TMEM18: variants seen among roughly 807,000 people sequenced by gnomAD.
TMEM18 encodes the protein transmembrane protein 18.
In TMEM18, 14 loss-of-function variants were observed where a neutral mutation model predicts 17.4. The ratio of observed to expected loss-of-function variants is 0.80; its 90% CI spans 0.53 to 1.25. The LOEUF is 1.25. TMEM18 is among the 50% of genes most tolerant of loss of function. The pLI is 0.00. For synonymous variants in TMEM18, 86 were observed against 66.1 expected (o/e 1.30, Z -1.46); for missense variants, 187 against 172.1 (o/e 1.09, Z -0.48).
chr2:676,916 G>A (rs1165498237), intron 1 of TMEM18: 2 of 510,012 alleles, frequency 3.9e-6, no homozygotes, highest in East Asian at 3.4e-5. Context: ...GCACGGTGCA[G>A]GACGCCAGCC....
intron 1 of TMEM18, chr2:676,538 G>A (rs1659224874): frequency 9.7e-6 from 15 of 1,548,374 alleles, no homozygotes; most frequent in Non-Finnish European, 1.3e-5. Context: ...CATGACATAA[G>A]GACACAAGCG....
intron 1 of TMEM18, chr2:676,219 TC>T: frequency 7.2e-7 from 1 of 1,389,862 alleles, no homozygotes; most frequent in Non-Finnish European, 9.6e-7. Context: ...CCTCCTGGAC[TC>T]CCCGGGACCC....
chr2:676,366 C>G, intron 1 of TMEM18: 1 of 1,420,284 alleles, frequency 7.0e-7, no homozygotes, highest in Non-Finnish European at 9.3e-7. Flanking sequence ...CCTTGAGCGC[C>G]CTCCTGCAGA....
chr2:664,900 G>A lies in TMEM18; in HGVS notation c.*4680C>T, dbSNP rs1204522718. On this transcript the variant is annotated 3_prime_UTR_variant, in exon 5 of 5. Transcript: ENST00000281017. Reference sequence around the variant, plus strand: ...AATTCAGCCTATACCCCTACAATGTGTTTACTATGCAGGCATTGAAAATAA... The same window carrying A: ...AATTCAGCCTATACCCCTACAATGTATTTACTATGCAGGCATTGAAAATAA... Among the ~76,000 whole-genome samples the A allele has an allele frequency of 1.3e-5, 2 of 152,138 alleles. No homozygotes were observed. Among genetic ancestry groups the A allele is most frequent in the African/African-American group, 4.8e-5 (2 of 41,430 alleles).
At chr2:676,310 A>C in intron 1 of TMEM18, 1 of 1,482,002 alleles carries the variant, frequency 6.7e-7, no homozygotes, top group Non-Finnish European at 9.0e-7. Context: ...TCCCCACCTG[A>C]TGCTCAGATG....
rs1678691798 is a variant in TMEM18, at chr2:666,446, G to A, written c.*3134C>T. The stretch of plus-strand genomic sequence containing the variant: ...AAGCGAGGAAAGATCTAACTGTACA[G>A]GCCGCTGTGAAACTGGAACATCGGA... On this transcript the variant is annotated 3_prime_UTR_variant, in exon 5 of 5. Coordinates refer to ENST00000281017, the MANE Select transcript of TMEM18 (RefSeq NM_152834.4). Among the ~76,000 whole-genome samples, 2 of 152,210 alleles carry A rather than the reference G, an allele frequency of 1.3e-5. No individual in the cohort carries two copies. The highest frequency in any genetic ancestry group is 2.4e-5 in the African/African-American group (1 of 41,460).
rs1001453257 is a variant in TMEM18, at chr2:664,912, G to C, written c.*4668C>G. ...ACCCCTACAATGTGTTTACTATGCA[G>C]GCATTGAAAATAATGTTATATAGTG... On this transcript the variant is annotated 3_prime_UTR_variant, in exon 5 of 5. Coordinates refer to ENST00000281017, the MANE Select transcript of TMEM18 (RefSeq NM_152834.4). Among the ~76,000 whole-genome samples, 5 of 152,108 alleles carry C rather than the reference G, an allele frequency of 3.3e-5. No individual in the cohort carries two copies. The highest frequency in any genetic ancestry group is 1.2e-4 in the African/African-American group (5 of 41,418).
intron 1 of TMEM18, 66 bp from the exon 2 acceptor site, chr2:675,696 C>G: frequency 6.3e-7 from 1 of 1,592,190 alleles, no homozygotes; most frequent in South Asian, 1.1e-5. Context: ...GGCCCACCCA[C>G]AGCCTTCTCC....
rs755889312 is a variant in TMEM18 at position 677,323 on chromosome 2, C to T, written c.23G>A (p.Ser8Asn). The change falls in exon 1 of 5, where the codon AGC becomes AAC. Residue 8 changes from serine (S) to asparagine (N), a missense_variant. Transcript: ENST00000281017. ...GGCTGGGATGCTGACGGGGAAAGAGCTGACAGAGAAGGCGGACGGCATGGT... is the reference window on the plus strand; with the variant it reads ...GGCTGGGATGCTGACGGGGAAAGAGTTGACAGAGAAGGCGGACGGCATGGT... MPSAFSV[S>N]SFPVSIPAVL... 2 of 1,612,402 alleles carry T rather than the reference C, an allele frequency of 1.2e-6. No individual in the cohort carries two copies. Among genetic ancestry groups the T allele is most frequent in the South Asian group, 2.2e-5 (2 of 90,792 alleles).
At chr2:677,138 T>C (rs1482832335) in intron 1 of TMEM18, 151 bp downstream of exon 1, 3 of 981,650 alleles carry the variant, frequency 3.1e-6, no homozygotes, top group African/African-American at 3.3e-5. Context: ...CTCCCACAGG[T>C]CTCAGGACCC....
chr2:668,376 T>C lies in TMEM18; in HGVS notation c.*1204A>G, dbSNP rs903698548. ...AAGTCAAATATCTACACAACGGCCC[T>C]GGACAATGCTACAGGGAGGACACAT... On this transcript the variant is annotated 3_prime_UTR_variant, in exon 5 of 5. Coordinates refer to ENST00000281017, the MANE Select transcript of TMEM18 (RefSeq NM_152834.4). The C allele has an allele frequency of 2.0e-5, 3 of 152,250 alleles. No individual in the cohort carries two copies. The highest frequency in any genetic ancestry group is 7.2e-5 in the African/African-American group (3 of 41,474). The allele number at this position is 152,250 out of a possible 1,614,324, so 9.4% of individuals were successfully genotyped here.
In TMEM18 at chr2:667,908, A is replaced by G. The variant is rs1678734357; in HGVS notation, c.*1672T>C. 6.6e-6 allele frequency: 1 copy of G among 152,240 alleles called. No homozygotes were observed. Among genetic ancestry groups the G allele is most frequent in the Admixed American group, 6.5e-5 (1 of 15,284 alleles). 9.4% of individuals were successfully genotyped at this position (152,240 alleles called of 1,614,324 possible). ...TCACACGGCCCCATATTAAGTCCAA[A>G]TAACATATAGATGTTTAATTAGTCT... is the stretch of plus-strand genomic sequence containing the variant. On this transcript the variant is annotated 3_prime_UTR_variant, in exon 5 of 5. Coordinates refer to ENST00000281017, the MANE Select transcript of TMEM18 (RefSeq NM_152834.4).
At position 667,462 on chromosome 2, in the gene TMEM18, G is replaced by A. The variant is rs181775992; in HGVS notation, c.*2118C>T. 1 of 152,262 alleles carries A rather than the reference G, an allele frequency of 6.6e-6. No individual in the cohort carries two copies. The highest frequency in any genetic ancestry group is 2.4e-5 in the African/African-American group (1 of 41,548). The allele number at this position is 152,262 out of a possible 1,614,324, so 9.4% of individuals were successfully genotyped here. On this transcript the variant is annotated 3_prime_UTR_variant, in exon 5 of 5. Coordinates refer to ENST00000281017, the MANE Select transcript of TMEM18 (RefSeq NM_152834.4). ...CTTTATCAGTAGAGTAAAAACATTTGTTCTACTTAAACAGATGAAGCTCTC... is the reference window on the plus strand; with the variant it reads ...CTTTATCAGTAGAGTAAAAACATTTATTCTACTTAAACAGATGAAGCTCTC...
Position 675,636 on chromosome 2 carries a change from G to A in TMEM18, c.58-6C>T, listed in dbSNP as rs1245299749. On this transcript the variant is annotated splice_polypyrimidine_tract_variant and splice_region_variant and intron_variant, in intron 1 of 4. Transcript: ENST00000281017. ...GGCTCAGTCCAGTCCGTCTGCTGTA[G>A]GAACACACCAGCAGACACTCACTGT... 4 of 1,613,536 alleles carry A rather than the reference G, an allele frequency of 2.5e-6. 1 individual carries two copies. Among genetic ancestry groups the A allele is most frequent in the East Asian group, 4.5e-5 (2 of 44,886 alleles).
intron 1 of TMEM18, chr2:676,236 T>C: frequency 7.1e-7 from 1 of 1,409,216 alleles, no homozygotes; most frequent in Non-Finnish European, 9.5e-7. Context: ...GACCCTGCTG[T>C]ACCTGGGGAC....
intron 1 of TMEM18, 40 bp downstream of exon 1, chr2:677,249 G>A (rs538956897): frequency 3.8e-6 from 6 of 1,594,086 alleles, no homozygotes; most frequent in South Asian, 2.3e-5. Flanking sequence ...CCTCTCCGCC[G>A]TCCTCCCCCG....
rs1572409325 is a variant in TMEM18, at chr2:669,690, T to C, written c.328-15A>G. 9 of 1,613,908 alleles carry C rather than the reference T, an allele frequency of 5.6e-6. No individual in the cohort carries two copies. The highest frequency in any genetic ancestry group is 2.2e-5 in the East Asian group (1 of 44,892). On this transcript the variant is annotated splice_polypyrimidine_tract_variant and intron_variant, in intron 4 of 4. Coordinates refer to ENST00000281017, the MANE Select transcript of TMEM18 (RefSeq NM_152834.4). ...ACCCACATAACCTAAACACAATTGT[T>C]TGAGACATGTTTAGATTTGAAAAAC...
In TMEM18 at chr2:672,021, G is replaced by A. The variant is rs562079433; in HGVS notation, c.233+787C>T. Among the ~76,000 whole-genome samples, 8 of 152,170 alleles carry A rather than the reference G, an allele frequency of 5.3e-5. No individual in the cohort carries two copies. In the South Asian group the frequency reaches 1.7e-3, roughly 32 times the overall value. On this transcript the variant is annotated intron_variant, in intron 3 of 4. Coordinates refer to ENST00000281017, the MANE Select transcript of TMEM18 (RefSeq NM_152834.4). The stretch of plus-strand genomic sequence containing the variant: ...AGGAGGCCGAGTCAGGGGAGGGTTC[G>A]GGAAACCAGGCGGGGTCTAAGCAAA...
At chr2:670,928 C>T (rs1678828112) in intron 3 of TMEM18, 1 of 152,366 alleles carries the variant, frequency 6.6e-6, no homozygotes, top group Non-Finnish European at 1.5e-5. Context: ...TTAGGGACCG[C>T]TGCATGTCAG....
Sources: gnomAD v4.1 joint callset for allele counts (sites outside exome capture counted in the v4.1 genomes callset) on GRCh38, gnomAD v4.1.1 for gene constraint, MANE v1.5 for transcripts, NCBI Gene and HGNC (gene_info 2026-07-23, HGNC 2026-07-21) for gene names.